ESPNL: variants seen among roughly 807,000 people sequenced by gnomAD.
ESPNL encodes the protein espin like, also known as espin-like protein.
In ESPNL, 49 loss-of-function variants were observed where a neutral mutation model predicts 46.8. That is an observed-to-expected ratio of 1.05 (90% CI 0.83 to 1.33). ESPNL has a LOEUF of 1.33. Among genes scored for constraint, ESPNL ranks in the 40% most tolerant of loss-of-function variants. The pLI, the probability that ESPNL is intolerant of heterozygous loss-of-function variation, is 0.00. For missense variants in ESPNL, 1,540 were observed against 1,436.6 expected (o/e 1.07, Z -1.16); for synonymous variants, 664 against 662.1 (o/e 1.00, Z -0.04).
chr2:238,130,376 C>T lies in ESPNL; in HGVS notation c.1662C>T (p.Phe554=). The change falls in exon 9 of 9, where the codon TTC becomes TTT. Residue 554 remains phenylalanine (F), a synonymous_variant. Transcript: ENST00000343063. The part of the protein sequence containing the change: ...PLVSITVNSH[F]LPRAPGLEVE... ...TCAGCATCACGGTCAACAGCCACTT[C>T]CTGCCCCGGGCGCCCGGACTGGAGG... 6.2e-7 allele frequency: 1 copy of T among 1,611,096 alleles called. No homozygotes were observed. Among genetic ancestry groups the T allele is most frequent in the Non-Finnish European group, 8.5e-7 (1 of 1,179,288 alleles).
rs1691498720 is a variant in ESPNL, at chr2:238,102,093, C to A, written c.447C>A (p.Asp149Glu). Reference sequence around the variant, plus strand: ...TGCACCACGCTGCCGTCAGTGGGGACCTGACCTGCCTCAAGCTCCTGACAG... The same window carrying A: ...TGCACCACGCTGCCGTCAGTGGGGAACTGACCTGCCTCAAGCTCCTGACAG... ...RPLHHAAVSGDLTCLKLLTAA... is the reference protein window; with the variant it reads ...RPLHHAAVSGELTCLKLLTAA... Residue 149 changes from aspartate (D) to glutamate (E), a missense_variant, in exon 2 of 9, where the codon GAC becomes GAA. Coordinates refer to ENST00000343063, the MANE Select transcript of ESPNL (RefSeq NM_194312.4). 6.4e-7 allele frequency: 1 copy of A among 1,570,656 alleles called. No homozygotes were observed. Among genetic ancestry groups the A allele is most frequent in the Non-Finnish European group, 8.6e-7 (1 of 1,159,652 alleles).
Position 238,102,049 on chromosome 2 carries a change from C to A in ESPNL, c.403C>A (p.Arg135=), listed in dbSNP as rs34878344. 0.16 allele frequency: 257,542 copies of A among 1,600,308 alleles called. 22,436 individuals are homozygous for A. Among genetic ancestry groups the A allele is most frequent in the South Asian group, 0.26 (23,477 of 89,698 alleles). ...GGGCCACTCGGCCACGCTAGAGACC[C>A]GGGAGGGAGCCCGGCCGCTGCACCA... is the stretch of plus-strand genomic sequence containing the variant. The part of the protein sequence containing the change: ...HEGHSATLET[R]EGARPLHHAA... Residue 135 remains arginine (R), a synonymous_variant, in exon 2 of 9, where the codon CGG becomes AGG. Transcript: ENST00000343063.
chr2:238,116,820 A>G lies in ESPNL; in HGVS notation c.856-83A>G, dbSNP rs573242847. The G allele has an allele frequency of 5.0e-4, 755 of 1,519,724 alleles. 1 individual carries two copies. The highest frequency in any genetic ancestry group is 4.6e-4 in the Non-Finnish European group (510 of 1,115,344). 94.1% of individuals were successfully genotyped at this position (1,519,724 alleles called of 1,614,324 possible). A position where few individuals can be genotyped will look rare whatever the true frequency, so the allele number is the denominator to read the frequency against. ...ATCAGGGCAGCCTGCGCCATGGGGC[A>G]GGGGAGCGGCCCGCACAGGGCCAGT... On this transcript the variant is annotated intron_variant, in intron 4 of 8. Transcript: ENST00000343063.
chr2:238,131,928 C>A lies in ESPNL; in HGVS notation c.*196C>A. On this transcript the variant is annotated 3_prime_UTR_variant, in exon 9 of 9. Transcript: ENST00000343063. ...AGCTGGGACTCAGACTCCTTCTCACCACTGCACCCAGGAAGCCCCTTGGCA... is the reference window on the plus strand; with the variant it reads ...AGCTGGGACTCAGACTCCTTCTCACAACTGCACCCAGGAAGCCCCTTGGCA... 1.6e-6 allele frequency: 1 copy of A among 620,726 alleles called. No homozygotes were observed. Among genetic ancestry groups the A allele is most frequent in the Non-Finnish European group, 2.7e-6 (1 of 369,354 alleles). 38.5% of individuals were successfully genotyped at this position (620,726 alleles called of 1,614,324 possible). A position where few individuals can be genotyped will look rare whatever the true frequency, so the allele number is the denominator to read the frequency against.
At chr2:238,112,336 T>C (rs1351155301) in intron 4 of ESPNL, among the ~76,000 whole-genome samples, 1 of 152,134 alleles carries the variant, frequency 6.6e-6, no homozygotes, top group Non-Finnish European at 1.5e-5. Flanking sequence ...CTCATGATCC[T>C]TTATTGTCTG....
intron 6 of ESPNL, among the ~76,000 whole-genome samples, chr2:238,126,676 TTGTG>T (rs1314007648): frequency 1.7e-4 from 26 of 149,776 alleles, no homozygotes; most frequent in African/African-American, 2.7e-4. Flanking sequence ...GTCTGTGTGA[TTGTG>T]TGTATGTGAT....
intron 5 of ESPNL, among the ~76,000 whole-genome samples, chr2:238,120,167 C>T (rs1041174917): frequency 3.3e-5 from 5 of 152,154 alleles, no homozygotes; most frequent in African/African-American, 7.2e-5. Context: ...AAGGTGGTGG[C>T]GCTCTGCTGG....
In ESPNL at chr2:238,100,419, G is replaced by C. The variant is rs756925704; in HGVS notation, c.-1G>C. On this transcript the variant is annotated 5_prime_UTR_variant, in exon 1 of 9. Transcript: ENST00000343063. The stretch of plus-strand genomic sequence containing the variant: ...TCGCCACTGAGAGCCCGGGCCAGAG[G>C]ATGGAGAAGCAGCGGGCACTCGTGG... The C allele has an allele frequency of 6.3e-7, 1 of 1,598,700 alleles. No individual in the cohort carries two copies. Among genetic ancestry groups the C allele is most frequent in the Non-Finnish European group, 8.5e-7 (1 of 1,175,634 alleles).
chr2:238,105,017 C>T (rs1466450001), intron 3 of ESPNL, among the ~76,000 whole-genome samples, 175 bp downstream of exon 3: 6 of 152,058 alleles, frequency 3.9e-5, no homozygotes, highest in Non-Finnish European at 5.9e-5. Flanking sequence ...CCAGGCTGGG[C>T]CCCAGAAGTT....
At position 238,107,978 on chromosome 2, in the gene ESPNL, GGTGGGC is replaced by G; in HGVS notation, c.855+9_855+14del. Reference sequence around the variant, plus strand: ...GCAGAGAACGGGCAGATGGAGGTAAGGTGGGCGTGAGGGAGACAGGGTGAGCAGTCA... The same window carrying G: ...GCAGAGAACGGGCAGATGGAGGTAAGGTGAGGGAGACAGGGTGAGCAGTCA... On this transcript the variant is annotated splice_donor_region_variant and intron_variant, in intron 4 of 8. Transcript: ENST00000343063. 6.2e-7 allele frequency: 1 copy of G among 1,607,712 alleles called. No homozygotes were observed. Among genetic ancestry groups the G allele is most frequent in the Non-Finnish European group, 8.5e-7 (1 of 1,176,654 alleles).
intron 6 of ESPNL, among the ~76,000 whole-genome samples, chr2:238,127,023 TTGTG>T (rs1303382853): frequency 1.3e-5 from 2 of 151,088 alleles, no homozygotes; most frequent in Admixed American, 1.3e-4. Flanking sequence ...GTGATTGTGT[TTGTG>T]TGTCTGTTCT....
intron 4 of ESPNL, among the ~76,000 whole-genome samples, chr2:238,116,388 C>T (rs557403538): frequency 5.9e-5 from 9 of 152,252 alleles, no homozygotes; most frequent in South Asian, 2.1e-4. Flanking sequence ...AGGTGGTGAG[C>T]GGCTTGGTCA....
At chr2:238,128,680 CTG>C in intron 7 of ESPNL, 25 bp from the exon 8 acceptor site, 1 of 1,573,856 alleles carries the variant, frequency 6.4e-7, no homozygotes. Context: ...CCCTTCGGGC[CTG>C]TGTGACCCAC....
At position 238,130,424 on chromosome 2, in the gene ESPNL, G is replaced by A. The variant is rs758317503; in HGVS notation, c.1710G>A (p.Ala570=). 219 of 1,607,896 alleles carry A rather than the reference G, an allele frequency of 1.4e-4. 1 individual carries two copies. The East Asian group carries it at 2.5e-3, about 18-fold the overall frequency. Residue 570 remains alanine, a synonymous_variant, in exon 9 of 9, where the codon GCG becomes GCA. Transcript: ENST00000343063. Reference sequence around the variant, plus strand: ...AGGTTGAGGAGGCCTCAATCCCAGCGGCTGAGCCCGCAGGGTCTGCGGAGG... The same window carrying A: ...AGGTTGAGGAGGCCTCAATCCCAGCAGCTGAGCCCGCAGGGTCTGCGGAGG... ...GLEVEEASIP[A]AEPAGSAEAS...
rs932129414 is a variant in ESPNL, at chr2:238,131,039, C to T, written c.2325C>T (p.Gly775=). 4 of 1,538,228 alleles carry T rather than the reference C, an allele frequency of 2.6e-6. No homozygotes were observed. The highest frequency in any genetic ancestry group is 3.5e-6 in the Non-Finnish European group (4 of 1,143,304). ...TLGARHAGLR[G]QEAARSPGPP... ...GAGCCCGCCACGCGGGGTTGCGGGG[C>T]CAGGAGGCCGCCAGGAGCCCTGGGC... The change falls in exon 9 of 9, where the codon GGC becomes GGT. Residue 775 remains glycine (G), a synonymous_variant. Coordinates refer to ENST00000343063, the MANE Select transcript of ESPNL (RefSeq NM_194312.4).
intron 5 of ESPNL, among the ~76,000 whole-genome samples, chr2:238,121,345 C>T (rs1425039444): frequency 2.0e-5 from 3 of 152,230 alleles, no homozygotes; most frequent in Admixed American, 1.3e-4. Context: ...CACCCCCACC[C>T]GCCAGCACTG....
At chr2:238,110,949 CTTTTT>C (rs5839686) in intron 4 of ESPNL, among the ~76,000 whole-genome samples, 6 of 111,004 alleles carry the variant, frequency 5.4e-5, no homozygotes, top group East Asian at 5.3e-4. Flanking sequence ...ATTAGTTATT[CTTTTT>C]TTTTTTTTTT....
At chr2:238,112,676 T>A (rs930653503) in intron 4 of ESPNL, among the ~76,000 whole-genome samples, 1 of 152,230 alleles carries the variant, frequency 6.6e-6, no homozygotes, top group African/African-American at 2.4e-5. Context: ...TGTATCCCAC[T>A]GTTTGATAAT....
intron 4 of ESPNL, among the ~76,000 whole-genome samples, chr2:238,109,303 C>T (rs1691667361): frequency 6.6e-6 from 1 of 152,210 alleles, no homozygotes; most frequent in Non-Finnish European, 1.5e-5. Context: ...AATCAGCTGA[C>T]TCCTCTGGCT....
Sources: gnomAD v4.1 joint callset for allele counts (sites outside exome capture counted in the v4.1 genomes callset) on GRCh38, gnomAD v4.1.1 for gene constraint, MANE v1.5 for transcripts, NCBI Gene and HGNC (gene_info 2026-07-23, HGNC 2026-07-21) for gene names.